CDH18: variants seen among roughly 807,000 people sequenced by gnomAD.
The protein encoded by CDH18 is cadherin-18.
In CDH18, 31 loss-of-function variants were observed where a neutral mutation model predicts 67.9. The ratio of observed to expected loss-of-function variants is 0.46; its 90% CI spans 0.34 to 0.62. The LOEUF is 0.62. CDH18 is among the 20% of genes least tolerant of loss of function. The pLI, the probability that CDH18 is intolerant of heterozygous loss-of-function variation, is 0.01. For synonymous variants in CDH18, 362 were observed against 347.2 expected, an observed-to-expected ratio of 1.04 and a Z score of -0.48; for missense variants, 890 against 975.5, an observed-to-expected ratio of 0.91 and a Z score of 1.17.
At chr5:20,535,565 TTA>T (rs1756663101) in intron 1 of CDH18, among the ~76,000 whole-genome samples, 1 of 152,116 alleles carries the variant, frequency 6.6e-6, no homozygotes, top group Non-Finnish European at 1.5e-5. Context: ...AGTGTGGAAA[TTA>T]GATTTTTTTG....
intron 1 of CDH18, among the ~76,000 whole-genome samples, chr5:20,525,426 G>C (rs147057050): frequency 5.9e-5 from 9 of 152,120 alleles, no homozygotes; most frequent in African/African-American, 1.9e-4. Flanking sequence ...AGGCTGAAAA[G>C]CAACACCCTG....
chr5:20,151,088 T>C (rs1156839926), intron 2 of CDH18, among the ~76,000 whole-genome samples: 2 of 151,908 alleles, frequency 1.3e-5, no homozygotes, highest in Admixed American at 6.6e-5. Flanking sequence ...GTTACATGAG[T>C]ATATTGCACC....
chr5:19,867,241 T>C (rs992360318), intron 2 of CDH18, among the ~76,000 whole-genome samples: 7 of 152,168 alleles, frequency 4.6e-5, no homozygotes, highest in Non-Finnish European at 8.8e-5. Context: ...TCATCACTTA[T>C]TTGACAATTA....
At chr5:19,514,832 C>T (rs1455576398) in intron 10 of CDH18, among the ~76,000 whole-genome samples, 1 of 152,134 alleles carries the variant, frequency 6.6e-6, no homozygotes, top group East Asian at 1.9e-4. Context: ...TTTTGCTGTG[C>T]TGAAGGTTTT....
intron 2 of CDH18, among the ~76,000 whole-genome samples, chr5:20,218,495 A>C (rs1222468360): frequency 6.6e-6 from 1 of 151,982 alleles, no homozygotes; most frequent in African/African-American, 2.4e-5. Flanking sequence ...AATATACCAA[A>C]ACCTATGTGA....
intron 5 of CDH18, among the ~76,000 whole-genome samples, chr5:19,698,515 T>C (rs1762820932): frequency 6.6e-6 from 1 of 151,988 alleles, no homozygotes; most frequent in African/African-American, 2.4e-5. Context: ...TTGATAATGA[T>C]CTCTAAAACA....
At chr5:20,388,547 G>C (rs1562023820) in intron 1 of CDH18, among the ~76,000 whole-genome samples, 2 of 152,066 alleles carry the variant, frequency 1.3e-5, no homozygotes, top group South Asian at 4.2e-4. Flanking sequence ...TTTTTGAAGG[G>C]TTTTTTGTGT....
Position 19,661,564 on chromosome 5 carries a change from C to T in CDH18, c.644-48963G>A, listed in dbSNP as rs138187773. 6.8e-3 allele frequency among the ~76,000 whole-genome samples: 1,038 copies of T among 151,732 alleles called. 11 individuals carry two copies. The highest frequency in any genetic ancestry group is 0.024 in the African/African-American group (997 of 41,400). ...AAAGATAATTAGTAAAGTAAGATTT[C>T]GAAGCAAATTCTAATACTACTAGTT... On this transcript the variant is annotated intron_variant, in intron 5 of 12. Transcript: ENST00000382275.
At chr5:19,859,139 C>A (rs942575963) in intron 2 of CDH18, among the ~76,000 whole-genome samples, 1 of 152,130 alleles carries the variant, frequency 6.6e-6, no homozygotes, top group Non-Finnish European at 1.5e-5. Context: ...CCGATGGATG[C>A]TCACCTCAGC....
chr5:20,261,468 T>C (rs749859867), intron 1 of CDH18, among the ~76,000 whole-genome samples: 16 of 152,270 alleles, frequency 1.1e-4, no homozygotes, highest in Admixed American at 2.0e-4. Flanking sequence ...AGGTCGGGCG[T>C]GGTGGCTCAC....
At chr5:20,568,686 T>A (rs1282138065) in intron 1 of CDH18, among the ~76,000 whole-genome samples, 1 of 152,142 alleles carries the variant, frequency 6.6e-6, no homozygotes, top group Non-Finnish European at 1.5e-5. Context: ...GAGAGAAAAT[T>A]ATGGCATTTT....
intron 1 of CDH18, among the ~76,000 whole-genome samples, chr5:20,501,540 TACATATTATATATATA>T (rs1754272862): frequency 2.1e-4 from 9 of 43,896 alleles, no homozygotes; most frequent in African/African-American, 5.9e-4. Context: ...ATATATTATA[TACATATTATATATATA>T]ATATATATAT....
chr5:20,038,487 C>T (rs1050817899), intron 2 of CDH18, among the ~76,000 whole-genome samples: 1 of 152,176 alleles, frequency 6.6e-6, no homozygotes, highest in South Asian at 2.1e-4. Context: ...CATCAGAAAG[C>T]TTACTGACCA....
chr5:19,748,929 A>T (rs549009808), intron 3 of CDH18, among the ~76,000 whole-genome samples: 39 of 152,262 alleles, frequency 2.6e-4, no homozygotes, highest in Admixed American at 7.8e-4. Flanking sequence ...GAAACCATTT[A>T]AAAATGCTTA....
At chr5:20,363,477 CAAA>C (rs1187140017) in intron 1 of CDH18, among the ~76,000 whole-genome samples, 28 of 101,298 alleles carry the variant, frequency 2.8e-4, no homozygotes, top group African/African-American at 1.1e-3. Flanking sequence ...GACTCCGTAT[CAAA>C]AAAAAAAAAA....
At chr5:20,560,797 A>G (rs962596794) in intron 1 of CDH18, among the ~76,000 whole-genome samples, 3 of 152,106 alleles carry the variant, frequency 2.0e-5, no homozygotes, top group African/African-American at 7.2e-5. Context: ...GTAAATTCTT[A>G]AGTTACATGC....
At position 20,305,278 on chromosome 5, in the gene CDH18, T is replaced by C. The variant is rs1236709610; in HGVS notation, c.-579-49773A>G. On this transcript the variant is annotated intron_variant, in intron 1 of 14. Transcript: ENST00000507958. ...AGGTACCACTAAACCTTTAAAACTT[T>C]TAAAGCCTCCTCTACTGTCAGATTC... The C allele has an allele frequency of 6.8e-6, 10 of 1,472,178 alleles. No homozygotes were observed. In the East Asian group the frequency reaches 2.3e-4, roughly 33 times the overall value. The allele number at this position is 1,472,178 out of a possible 1,614,324, so 91.2% of individuals were successfully genotyped here. A position where few individuals can be genotyped will look rare whatever the true frequency, so the allele number is the denominator to read the frequency against.
At chr5:19,938,276 AC>A (rs1401783831) in intron 2 of CDH18, among the ~76,000 whole-genome samples, 3 of 150,840 alleles carry the variant, frequency 2.0e-5, no homozygotes, top group Non-Finnish European at 4.5e-5. Flanking sequence ...TGGAAAACTT[AC>A]TCTATTGTCA....
At chr5:19,927,190 T>G (rs1337478065) in intron 2 of CDH18, among the ~76,000 whole-genome samples, 1 of 152,198 alleles carries the variant, frequency 6.6e-6, no homozygotes, top group East Asian at 1.9e-4. Flanking sequence ...ATCCTGCTTG[T>G]ATGCTATGCT....
Sources: gnomAD v4.1 joint callset for allele counts (sites outside exome capture counted in the v4.1 genomes callset) on GRCh38, gnomAD v4.1.1 for gene constraint, MANE v1.5 for transcripts, NCBI Gene and HGNC (gene_info 2026-07-23, HGNC 2026-07-21) for gene names.